The following FNDC3A variants were observed in gnomAD, a reference collection of about 807,000 sequenced individuals.
The protein encoded by FNDC3A is fibronectin type III domain containing 3A, also known as fibronectin type-III domain-containing protein 3A.
A neutral mutation model predicts 148.9 loss-of-function variants in FNDC3A; 32 were observed. The ratio of observed to expected loss-of-function variants is 0.21; its 90% confidence interval spans 0.16 to 0.29. The LOEUF (loss-of-function observed/expected upper bound fraction) is 0.29. Ranked by LOEUF, FNDC3A falls within the 10% of genes least tolerant of loss-of-function variation. FNDC3A has a pLI of 1.00. For missense variants in FNDC3A, 1,191 were observed against 1,452.8 expected (o/e 0.82, Z 2.93); for synonymous variants, 472 against 473.6 (o/e 1.00, Z 0.04).
intron 4 of FNDC3A, among the ~76,000 whole-genome samples, chr13:49,122,271 A>G (rs1270363185): frequency 1.3e-5 from 2 of 152,136 alleles, no homozygotes; most frequent in African/African-American, 4.8e-5. Context: ...CTCAATAGAC[A>G]CAGAAAAGGC....
intron 2 of FNDC3A, among the ~76,000 whole-genome samples, chr13:49,024,578 C>T (rs9526517): frequency 0.56 from 84,265 of 151,734 alleles, 25,004 homozygotes; most frequent in Non-Finnish European, 0.66. Flanking sequence ...GTTCAACATA[C>T]GTAAATCAGT....
chr13:48,982,610 A>T (rs1951713292), intron 1 of FNDC3A, among the ~76,000 whole-genome samples: 6 of 152,184 alleles, frequency 3.9e-5, no homozygotes. Flanking sequence ...ACATGAATTT[A>T]TTCAGATCAT....
chr13:49,164,700 C>T (rs949483338), intron 8 of FNDC3A, among the ~76,000 whole-genome samples: 4 of 151,994 alleles, frequency 2.6e-5, no homozygotes, highest in African/African-American at 7.2e-5. Context: ...CCTCCACCTC[C>T]CAGGTTCAAG....
chr13:49,159,819 A>T (rs962242364), intron 8 of FNDC3A, among the ~76,000 whole-genome samples: 2 of 152,210 alleles, frequency 1.3e-5, no homozygotes, highest in African/African-American at 2.4e-5. Context: ...CAGAGTTTTT[A>T]GCATGAAGGG....
rs747361286 is a variant in FNDC3A at position 49,198,355 on chromosome 13, C to T, written c.2775-7C>T. The T allele has an allele frequency of 1.9e-6, 3 of 1,613,628 alleles. No homozygotes were observed. The highest frequency in any genetic ancestry group is 2.5e-6 in the Non-Finnish European group (3 of 1,179,768). On this transcript the variant is annotated splice_region_variant and splice_polypyrimidine_tract_variant and intron_variant, in intron 22 of 25. Transcript: ENST00000492622. ...TAACCAAACTTTTTTTCTTATGTGG[C>T]ACTTAGAATACGAATTCAAGCCTTG...
At chr13:49,177,649 T>A (rs1304507888) in intron 13 of FNDC3A, among the ~76,000 whole-genome samples, 2 of 152,180 alleles carry the variant, frequency 1.3e-5, no homozygotes, top group Non-Finnish European at 2.9e-5. Context: ...CATCAACAGA[T>A]AGATGGATAA....
chr13:49,139,050 G>A (rs1328369893), intron 7 of FNDC3A, among the ~76,000 whole-genome samples: 2 of 151,998 alleles, frequency 1.3e-5, no homozygotes, highest in East Asian at 3.9e-4. Flanking sequence ...CTTACTATAT[G>A]CCAATAAATA....
intron 2 of FNDC3A, among the ~76,000 whole-genome samples, chr13:49,057,159 A>T (rs1876311517): frequency 6.6e-6 from 1 of 152,192 alleles, no homozygotes; most frequent in African/African-American, 2.4e-5. Flanking sequence ...GCTAATATAG[A>T]TTTAGTCCCC....
At chr13:49,190,412 A>G (rs1338266949) in intron 17 of FNDC3A, among the ~76,000 whole-genome samples, 1 of 152,100 alleles carries the variant, frequency 6.6e-6, no homozygotes, top group Non-Finnish European at 1.5e-5. Context: ...AGTCTCAGCT[A>G]CTCTGGACGT....
At chr13:49,093,572 A>C (rs984129131) in intron 3 of FNDC3A, among the ~76,000 whole-genome samples, 1 of 152,154 alleles carries the variant, frequency 6.6e-6, no homozygotes, top group Non-Finnish European at 1.5e-5. Flanking sequence ...TGTAGTTACC[A>C]GTTACTGAAT....
chr13:49,043,395 A>C (rs1875104201), intron 2 of FNDC3A, among the ~76,000 whole-genome samples: 2 of 152,072 alleles, frequency 1.3e-5, no homozygotes, highest in South Asian at 4.1e-4. Context: ...CCCATTCTTA[A>C]ATTTTTTTGC....
chr13:49,135,518 A>G (rs527576089), intron 5 of FNDC3A, among the ~76,000 whole-genome samples: 4 of 152,242 alleles, frequency 2.6e-5, no homozygotes, highest in South Asian at 4.1e-4. Context: ...ATTTTTGTAT[A>G]TGGTGTGAGG....
At chr13:49,125,566 G>A (rs542034867) in intron 4 of FNDC3A, among the ~76,000 whole-genome samples, 3 of 152,236 alleles carry the variant, frequency 2.0e-5, no homozygotes, top group Admixed American at 1.3e-4. Flanking sequence ...AATTGAGAAA[G>A]TCACAGAACC....
chr13:49,143,743 G>A (rs1882819394), intron 7 of FNDC3A, among the ~76,000 whole-genome samples: 1 of 152,154 alleles, frequency 6.6e-6, no homozygotes, highest in Admixed American at 6.5e-5. Flanking sequence ...CTAAGAGGGT[G>A]AGACTTCAGT....
intron 3 of FNDC3A, among the ~76,000 whole-genome samples, chr13:49,081,947 T>C (rs2137797111): frequency 6.7e-6 from 1 of 150,140 alleles, no homozygotes; most frequent in South Asian, 2.1e-4. Context: ...GGGCTTTCTT[T>C]TGAGCCTGTT....
rs763846305 is a variant in FNDC3A, at chr13:49,198,184, A to C, written c.2693A>C (p.Asp898Ala). Reference protein sequence around the residue: ...HGSEILAYSIDFGDKQSLTVG... With the variant: ...HGSEILAYSIAFGDKQSLTVG... Reference sequence around the variant, plus strand: ...TCGGAAATCCTTGCCTACAGCATAGACTTTGGAGATAAACAATCCCTAACA... The same window carrying C: ...TCGGAAATCCTTGCCTACAGCATAGCCTTTGGAGATAAACAATCCCTAACA... The change falls in exon 22 of 26, where the codon GAC becomes GCC. Residue 898 changes from aspartate (D) to alanine (A), a missense_variant. Coordinates refer to ENST00000492622, the MANE Select transcript of FNDC3A (RefSeq NM_001079673.2). 1 of 1,614,062 alleles carries C rather than the reference A, an allele frequency of 6.2e-7. No individual in the cohort carries two copies. Among genetic ancestry groups the C allele is most frequent in the Admixed American group, 1.7e-5 (1 of 60,010 alleles).
At chr13:49,130,311 G>T (rs1881951318) in intron 4 of FNDC3A, among the ~76,000 whole-genome samples, 1 of 151,632 alleles carries the variant, frequency 6.6e-6, no homozygotes, top group Admixed American at 6.6e-5. Context: ...GTAATATTCA[G>T]TATTTGTGTC....
intron 3 of FNDC3A, among the ~76,000 whole-genome samples, chr13:49,100,228 C>A (rs1043689886): frequency 1.3e-5 from 2 of 152,026 alleles, no homozygotes; most frequent in African/African-American, 4.8e-5. Context: ...TTTGTTAGAA[C>A]TTTATCTCCC....
intron 1 of FNDC3A, chr13:48,977,057 A>G (rs184400545): frequency 6.6e-6 from 1 of 152,342 alleles, no homozygotes; most frequent in East Asian, 1.9e-4. Context: ...GTGGAATGCG[A>G]TGATTTGCTG....
Sources: gnomAD v4.1 joint callset for allele counts (sites outside exome capture counted in the v4.1 genomes callset) on GRCh38, gnomAD v4.1.1 for gene constraint, MANE v1.5 for transcripts, NCBI Gene and HGNC (gene_info 2026-07-23, HGNC 2026-07-21) for gene names.